The following BTBD9 variants were observed in gnomAD, a reference collection of about 807,000 sequenced individuals.
BTBD9 encodes the protein BTB/POZ domain-containing protein 9.
In BTBD9, 49 loss-of-function variants were observed where a neutral mutation model predicts 64.3. That is an observed-to-expected ratio of 0.76 (90% confidence interval 0.61 to 0.97). BTBD9 has a LOEUF of 0.97. BTBD9 is among the 50% of genes least tolerant of loss of function. The probability of loss-of-function intolerance (pLI) is 0.00; values close to 1 mark genes in which losing one functional copy is unlikely to be tolerated. For synonymous variants in BTBD9, 260 were observed against 274.7 expected (o/e 0.95, Z 0.53); for missense variants, 598 against 762.1 (o/e 0.78, Z 2.53).
intron 6 of BTBD9, among the ~76,000 whole-genome samples, chr6:38,429,496 ATTTTACCACCCTATTGAGCACC>A (rs1768344831): frequency 6.6e-6 from 1 of 151,410 alleles, no homozygotes; most frequent in Non-Finnish European, 1.5e-5. Flanking sequence ...TTTGAATATA[ATTTTACCACCCTATTGAGCACC>A]TTGCACACAT....
At chr6:38,504,646 T>C (rs1015453510) in intron 6 of BTBD9, 2 of 453,672 alleles carry the variant, frequency 4.4e-6, no homozygotes, top group Non-Finnish European at 8.8e-6. Context: ...ACACCTATCT[T>C]TCAACCCAGG....
intron 6 of BTBD9, among the ~76,000 whole-genome samples, chr6:38,519,447 C>T (rs928377951): frequency 6.6e-6 from 1 of 152,288 alleles, no homozygotes; most frequent in South Asian, 2.1e-4. Flanking sequence ...CAGATGAAGA[C>T]AGGCTGATAG....
chr6:38,382,150 C>G (rs749873194), intron 6 of BTBD9, among the ~76,000 whole-genome samples: 2 of 152,154 alleles, frequency 1.3e-5, no homozygotes. Context: ...TAAGAGAGCA[C>G]TGTGGTGTTT....
chr6:38,336,882 G>A (rs1763914859), intron 7 of BTBD9, among the ~76,000 whole-genome samples: 1 of 152,174 alleles, frequency 6.6e-6, no homozygotes, highest in South Asian at 2.1e-4. Flanking sequence ...CTACACCCAT[G>A]TGTCTTTCTC....
At chr6:38,468,772 A>G (rs1350557710) in intron 6 of BTBD9, among the ~76,000 whole-genome samples, 1 of 152,202 alleles carries the variant, frequency 6.6e-6, no homozygotes, top group East Asian at 1.9e-4. Context: ...GAACCAATGA[A>G]TGAATATCAC....
At chr6:38,378,293 G>T (rs1166032244) in intron 6 of BTBD9, among the ~76,000 whole-genome samples, 1 of 150,658 alleles carries the variant, frequency 6.6e-6, no homozygotes, top group East Asian at 2.0e-4. Flanking sequence ...GCCCAGGCTG[G>T]AGTGCAGTGG....
chr6:38,367,545 G>A (rs559640224), intron 6 of BTBD9, among the ~76,000 whole-genome samples: 1 of 152,226 alleles, frequency 6.6e-6, no homozygotes, highest in Middle Eastern at 3.4e-3. Context: ...TGTTTGCAGT[G>A]AGGGCTCAAT....
intron 9 of BTBD9, among the ~76,000 whole-genome samples, chr6:38,197,127 C>A (rs371296270): frequency 3.3e-5 from 5 of 152,182 alleles, no homozygotes; most frequent in African/African-American, 1.2e-4. Flanking sequence ...TCCTAAAAGA[C>A]TTCCCCATCC....
intron 6 of BTBD9, among the ~76,000 whole-genome samples, chr6:38,547,016 C>G (rs1774582786): frequency 1.3e-5 from 2 of 152,134 alleles, no homozygotes; most frequent in South Asian, 4.1e-4. Context: ...GTAATTGTAT[C>G]TGGGGCGTCA....
At chr6:38,276,740 T>C (rs1449011754) in intron 8 of BTBD9, among the ~76,000 whole-genome samples, 2 of 152,172 alleles carry the variant, frequency 1.3e-5, no homozygotes, top group Non-Finnish European at 2.9e-5. Context: ...TCATTGCCTG[T>C]ATCTTCTTTG....
At chr6:38,637,765 T>C (rs987312140) in intron 1 of BTBD9, among the ~76,000 whole-genome samples, 1 of 152,228 alleles carries the variant, frequency 6.6e-6, no homozygotes, top group African/African-American at 2.4e-5. Flanking sequence ...CAATTAGTAA[T>C]TGAAATCAAA....
At chr6:38,207,392 C>T (rs545750823) in intron 9 of BTBD9, 8 of 174,108 alleles carry the variant, frequency 4.6e-5, no homozygotes, top group Non-Finnish European at 7.5e-5. Context: ...GAGACCAAGG[C>T]GGGAGGACTG....
At chr6:38,346,175 C>T (rs1047590953) in intron 6 of BTBD9, among the ~76,000 whole-genome samples, 3 of 152,102 alleles carry the variant, frequency 2.0e-5, no homozygotes, top group African/African-American at 7.2e-5. Context: ...TCAATTTAGA[C>T]GATATAATTT....
At chr6:38,362,985 G>A (rs964447393) in intron 6 of BTBD9, among the ~76,000 whole-genome samples, 3 of 151,978 alleles carry the variant, frequency 2.0e-5, no homozygotes, top group African/African-American at 7.3e-5. Context: ...GGAGAAAACG[G>A]GAAAAAAAGA....
Position 38,541,693 on chromosome 6 carries a change from G to A in BTBD9, c.1154+35907C>T, listed in dbSNP as rs1464467746. Among the ~76,000 whole-genome samples the A allele has an allele frequency of 3.3e-5, 5 of 152,070 alleles. No homozygotes were observed. In the South Asian group the frequency reaches 1.0e-3, roughly 32 times the overall value. On this transcript the variant is annotated intron_variant, in intron 6 of 10. Transcript: ENST00000481247. ...ATGGAGGTTGCTGTGAGCCGAGATC[G>A]CACCACTGCACTCCAGCCTGGTGAC... is the stretch of plus-strand genomic sequence containing the variant.
At chr6:38,481,646 G>A (rs1382008579) in intron 6 of BTBD9, 8 of 152,260 alleles carry the variant, frequency 5.3e-5, no homozygotes, top group Admixed American at 5.2e-4. Flanking sequence ...AGCACCATTT[G>A]CTAGCACCTG....
At chr6:38,204,251 TC>T (rs1762563071) in intron 9 of BTBD9, among the ~76,000 whole-genome samples, 1 of 145,266 alleles carries the variant, frequency 6.9e-6, no homozygotes, top group African/African-American at 2.5e-5. Context: ...AAAACACATG[TC>T]CACACAAAAA....
intron 6 of BTBD9, among the ~76,000 whole-genome samples, chr6:38,521,438 G>C (rs1773268276): frequency 2.0e-5 from 3 of 152,192 alleles, no homozygotes. Flanking sequence ...CTTCAGACCA[G>C]AGGTGATTCA....
chr6:38,271,973 TG>T (rs796931541), intron 8 of BTBD9, among the ~76,000 whole-genome samples: 1 of 33,794 alleles, frequency 3.0e-5, no homozygotes, highest in Non-Finnish European at 6.0e-5. Flanking sequence ...AAAGAAAATG[TG>T]GGGGGAGGGG....
Sources: allele counts gnomAD v4.1 joint callset (sites outside exome capture counted in the v4.1 genomes callset), GRCh38; gene constraint gnomAD v4.1.1; transcripts MANE v1.5; gene names NCBI Gene and HGNC (gene_info 2026-07-23, HGNC 2026-07-21).